TRHDE: variants seen among roughly 807,000 people sequenced by gnomAD.
TRHDE encodes the protein thyrotropin-releasing hormone-degrading ectoenzyme.
TRHDE carries 72 observed loss-of-function variants against 125.7 expected under a neutral mutation model. That is an observed-to-expected ratio of 0.57 (90% CI 0.47 to 0.70). TRHDE has a LOEUF of 0.70. Among genes scored for constraint, TRHDE ranks in the 30% least tolerant of loss-of-function variants. TRHDE has a pLI of 0.00. For synonymous variants in TRHDE, 509 were observed against 509.1 expected (o/e 1.00, Z 0.00); for missense variants, 1,110 against 1,327.1 (o/e 0.84, Z 2.54).
At chr12:72,634,801 T>G (rs1301168228) in intron 15 of TRHDE, among the ~76,000 whole-genome samples, 1 of 151,556 alleles carries the variant, frequency 6.6e-6, no homozygotes, top group Non-Finnish European at 1.5e-5. Flanking sequence ...GATTTCCAAT[T>G]TCATCCATGT....
chr12:72,490,932 T>C lies in TRHDE; in HGVS notation c.1585-8566T>C, dbSNP rs73346573. ...AATATGAGGACTATAAATAATAAAA[T>C]TGTACTGTGTCTGTGATTCATGCTA... On this transcript the variant is annotated intron_variant, in intron 5 of 18. Coordinates refer to ENST00000261180, the MANE Select transcript of TRHDE (RefSeq NM_013381.3). Among the ~76,000 whole-genome samples the C allele has an allele frequency of 1.7e-3, 252 of 150,772 alleles. 2 individuals carry two copies. Among genetic ancestry groups the C allele is most frequent in the African/African-American group, 6.0e-3 (248 of 41,100 alleles).
chr12:72,151,367 T>A (rs1876360925), intron 2 of TRHDE, among the ~76,000 whole-genome samples: 1 of 152,192 alleles, frequency 6.6e-6, no homozygotes, highest in Admixed American at 6.5e-5. Flanking sequence ...CTGATGGTAG[T>A]TTCTTTTGCT....
intron 10 of TRHDE, among the ~76,000 whole-genome samples, chr12:72,569,711 G>T (rs550888272): frequency 6.6e-6 from 1 of 152,134 alleles, no homozygotes; most frequent in Non-Finnish European, 1.5e-5. Context: ...AAAGACATAC[G>T]ACGAAAACAT....
At chr12:72,133,561 T>C (rs1177330110) in intron 2 of TRHDE, among the ~76,000 whole-genome samples, 1 of 152,188 alleles carries the variant, frequency 6.6e-6, no homozygotes, top group Non-Finnish European at 1.5e-5. Context: ...TATGTATTTT[T>C]CCATCTGTTG....
At chr12:72,287,447 T>C (rs1219867900) in intron 2 of TRHDE, among the ~76,000 whole-genome samples, 4 of 152,270 alleles carry the variant, frequency 2.6e-5, no homozygotes, top group Admixed American at 1.3e-4. Context: ...AGGATGGAGT[T>C]GAAGCTCTCT....
intron 7 of TRHDE, among the ~76,000 whole-genome samples, chr12:72,559,781 A>G (rs953690927): frequency 6.6e-6 from 1 of 152,170 alleles, no homozygotes; most frequent in Non-Finnish European, 1.5e-5. Context: ...AGGTTTGAAA[A>G]GAACTTAAAA....
chr12:72,626,877 C>T (rs1488585105), intron 15 of TRHDE, among the ~76,000 whole-genome samples: 2 of 151,858 alleles, frequency 1.3e-5, no homozygotes, highest in Non-Finnish European at 2.9e-5. Flanking sequence ...AACATAGATC[C>T]GAACTTACTG....
chr12:72,396,516 C>T (rs1028807287), intron 3 of TRHDE, among the ~76,000 whole-genome samples: 3 of 151,996 alleles, frequency 2.0e-5, no homozygotes, highest in Non-Finnish European at 2.9e-5. Flanking sequence ...GAGGCTGAGG[C>T]GGGTGGATCA....
chr12:72,458,154 A>G (rs1272023706), intron 3 of TRHDE, among the ~76,000 whole-genome samples: 3 of 152,180 alleles, frequency 2.0e-5, no homozygotes, highest in Non-Finnish European at 4.4e-5. Flanking sequence ...TTGGTGTTAT[A>G]TCTGTGTAAA....
At chr12:72,378,162 A>C in intron 3 of TRHDE, 41 bp downstream of exon 3, 2 of 1,522,534 alleles carry the variant, frequency 1.3e-6, no homozygotes, top group Non-Finnish European at 1.8e-6. Flanking sequence ...GGGCTCCTTG[A>C]AAGTGGAATT....
intron 6 of TRHDE, among the ~76,000 whole-genome samples, chr12:72,519,430 T>A (rs1285330564): frequency 6.6e-6 from 1 of 152,196 alleles, no homozygotes; most frequent in Non-Finnish European, 1.5e-5. Flanking sequence ...TTCCAGTTGA[T>A]CGCATCGGCT....
intron 2 of TRHDE, among the ~76,000 whole-genome samples, chr12:72,144,730 T>C (rs1385483564): frequency 1.3e-5 from 2 of 152,204 alleles, no homozygotes; most frequent in Non-Finnish European, 2.9e-5. Context: ...AGAATGTCCA[T>C]GCTACTCTGC....
chr12:72,131,196 G>A (rs1466048909), intron 2 of TRHDE, among the ~76,000 whole-genome samples: 2 of 149,424 alleles, frequency 1.3e-5, no homozygotes, highest in Non-Finnish European at 3.0e-5. Flanking sequence ...CTCAGCCTCC[G>A]GAGTAGCTGG....
At chr12:72,572,087 A>G (rs1202118775) in intron 10 of TRHDE, among the ~76,000 whole-genome samples, 1 of 150,500 alleles carries the variant, frequency 6.6e-6, no homozygotes. Context: ...TGATATGCAC[A>G]GGATTCTTTA....
chr12:72,433,123 C>A (rs1874571453), intron 3 of TRHDE, among the ~76,000 whole-genome samples: 1 of 152,058 alleles, frequency 6.6e-6, no homozygotes, highest in Non-Finnish European at 1.5e-5. Flanking sequence ...GATTTTAAAG[C>A]AATCTTTCCT....
chr12:72,642,293 A>G (rs892157955), intron 15 of TRHDE, among the ~76,000 whole-genome samples: 2 of 152,090 alleles, frequency 1.3e-5, no homozygotes, highest in African/African-American at 4.8e-5. Flanking sequence ...TAATTTTTTC[A>G]CTTTTACTTC....
At chr12:72,503,749 C>T (rs1878248070) in intron 6 of TRHDE, among the ~76,000 whole-genome samples, 1 of 152,210 alleles carries the variant, frequency 6.6e-6, no homozygotes, top group Non-Finnish European at 1.5e-5. Flanking sequence ...TAAGACTCAT[C>T]TCATACGGGC....
chr12:72,376,492 C>T (rs962606983), intron 2 of TRHDE, among the ~76,000 whole-genome samples: 28 of 152,146 alleles, frequency 1.8e-4, no homozygotes, highest in Non-Finnish European at 8.8e-5. Flanking sequence ...TTTTCTAATA[C>T]TGCCAGCCCA....
At chr12:72,388,751 A>G (rs914213255) in intron 3 of TRHDE, among the ~76,000 whole-genome samples, 2 of 152,062 alleles carry the variant, frequency 1.3e-5, no homozygotes, top group African/African-American at 4.8e-5. Context: ...TTGGTGAAAA[A>G]TGGGTGAGTT....
Sources: allele counts gnomAD v4.1 joint callset (sites outside exome capture counted in the v4.1 genomes callset), GRCh38; gene constraint gnomAD v4.1.1; transcripts MANE v1.5; gene names NCBI Gene and HGNC (gene_info 2026-07-23, HGNC 2026-07-21).